KANSL1L: variants seen among roughly 807,000 people sequenced by gnomAD.
The protein encoded by KANSL1L is KAT8 regulatory NSL complex subunit 1-like protein.
KANSL1L carries 25 observed loss-of-function variants against 108.6 expected under a neutral mutation model. The ratio of observed to expected loss-of-function variants is 0.23; its 90% CI spans 0.17 to 0.32. The LOEUF (loss-of-function observed/expected upper bound fraction) is 0.32. KANSL1L is among the 10% of genes least tolerant of loss of function. KANSL1L has a pLI of 1.00. For synonymous variants in KANSL1L, 405 were observed against 395.1 expected, an observed-to-expected ratio of 1.03 and a Z score of -0.30; for missense variants, 1,137 against 1,125.7, an observed-to-expected ratio of 1.01 and a Z score of -0.14.
chr2:210,143,879 A>G (rs1481813713), intron 2 of KANSL1L, among the ~76,000 whole-genome samples: 1 of 152,206 alleles, frequency 6.6e-6, no homozygotes, highest in East Asian at 1.9e-4. Flanking sequence ...TTTATACACC[A>G]CCATTATTAG....
intron 3 of KANSL1L, among the ~76,000 whole-genome samples, chr2:210,120,091 A>G (rs2094999887): frequency 6.6e-6 from 1 of 152,138 alleles, no homozygotes; most frequent in African/African-American, 2.4e-5. Context: ...AGAATTCCCT[A>G]TTCAGTAAGT....
At chr2:210,072,701 G>A (rs545480726) in intron 6 of KANSL1L, among the ~76,000 whole-genome samples, 1 of 152,120 alleles carries the variant, frequency 6.6e-6, no homozygotes, top group East Asian at 1.9e-4. Flanking sequence ...GAGCTCAGGC[G>A]GTAATGCTCG....
chr2:210,029,842 G>T lies in KANSL1L; in HGVS notation c.2232C>A (p.Ser744=). 6.2e-7 allele frequency: 1 copy of T among 1,605,342 alleles called. No homozygotes were observed. The highest frequency in any genetic ancestry group is 2.2e-5 in the East Asian group (1 of 44,634). ...GGATTCTTGATAAAACGTTGACATT[G>T]GAAACAGCAGTAAAATTGCTATGGG... ...SGSHSNFTAV[S]NVNVLSRIQN... Residue 744 remains serine (S), a synonymous_variant, in exon 10 of 15, where the codon TCC becomes TCA. Coordinates refer to ENST00000281772, the MANE Select transcript of KANSL1L (RefSeq NM_152519.4).
intron 1 of KANSL1L, among the ~76,000 whole-genome samples, chr2:210,166,555 C>T (rs1255201389): frequency 6.6e-6 from 1 of 152,208 alleles, no homozygotes; most frequent in East Asian, 1.9e-4. Context: ...AATACTGCTC[C>T]AGATTCTGAT....
chr2:210,134,956 T>C (rs1461533091), intron 2 of KANSL1L, among the ~76,000 whole-genome samples: 1 of 151,810 alleles, frequency 6.6e-6, no homozygotes. Context: ...AGACCAAGAG[T>C]AATTCCCAAA....
rs547706627 is a variant in KANSL1L, at chr2:210,124,345, G to A, written c.1230+4686C>T. Among the ~76,000 whole-genome samples the A allele has an allele frequency of 6.6e-5, 10 of 152,100 alleles. No homozygotes were observed. The South Asian group carries it at 1.9e-3, about 28-fold the overall frequency. On this transcript the variant is annotated intron_variant, in intron 3 of 14. Coordinates refer to ENST00000281772, the MANE Select transcript of KANSL1L (RefSeq NM_152519.4). ...GAAATGAAGTGAGAAATCATTAACA[G>A]AAAACTGGAAAATGCACAAATTTGT...
At chr2:210,170,965 G>C (rs13013865) in intron 1 of KANSL1L, among the ~76,000 whole-genome samples, 184 bp downstream of exon 1, 2 of 150,088 alleles carry the variant, frequency 1.3e-5, no homozygotes. Context: ...CCCCGCCCTA[G>C]AGCGCGATCC....
rs944938313 is a variant in KANSL1L at position 210,021,748 on chromosome 2, T to C, written c.*1201A>G. 6.6e-6 allele frequency: 1 copy of C among 152,184 alleles called. No individual in the cohort carries two copies. Among genetic ancestry groups the C allele is most frequent in the Non-Finnish European group, 1.5e-5 (1 of 67,960 alleles). 9.4% of individuals were successfully genotyped at this position (152,184 alleles called of 1,614,324 possible). ...TTTTTACATGACAAAAAGTGAGTTATATAAATTGTCCTCAACTTTCACATA... is the reference window on the plus strand; with the variant it reads ...TTTTTACATGACAAAAAGTGAGTTACATAAATTGTCCTCAACTTTCACATA... On this transcript the variant is annotated 3_prime_UTR_variant, in exon 15 of 15. Coordinates refer to ENST00000281772, the MANE Select transcript of KANSL1L (RefSeq NM_152519.4).
rs1218889739 is a variant in KANSL1L, at chr2:210,171,270, C to G, written c.-151G>C. ...CACCCGGGGCGCCGCTGACTCGTCT[C>G]CAGAGCGCGCCCCGCTCCCGCCCCG... On this transcript the variant is annotated 5_prime_UTR_variant, in exon 1 of 15. Coordinates refer to ENST00000281772, the MANE Select transcript of KANSL1L (RefSeq NM_152519.4). 1.1e-5 allele frequency: 2 copies of G among 176,434 alleles called. No individual in the cohort carries two copies. Among genetic ancestry groups the G allele is most frequent in the African/African-American group, 4.8e-5 (2 of 41,464 alleles). The allele number at this position is 176,434 out of a possible 1,614,324, so 10.9% of individuals were successfully genotyped here.
rs572443539 is a variant in KANSL1L, at chr2:210,070,552, G to A, written c.1755+5000C>T. On this transcript the variant is annotated intron_variant, in intron 6 of 14. Transcript: ENST00000281772. ...GCCCTCTCCTTTCTCTTATAAGGAC[G>A]CCAATCACTGGATTTAGGACCCATT... 3.9e-5 allele frequency among the ~76,000 whole-genome samples: 6 copies of A among 152,118 alleles called. No individual in the cohort carries two copies. The South Asian group carries it at 1.2e-3, about 32-fold the overall frequency.
intron 6 of KANSL1L, among the ~76,000 whole-genome samples, chr2:210,065,285 T>A (rs1160882139): frequency 5.6e-5 from 4 of 71,622 alleles, no homozygotes; most frequent in Admixed American, 1.8e-4. Context: ...AGCACGACTC[T>A]GTCTCAAAAA....
Position 210,021,835 on chromosome 2 carries a change from A to G in KANSL1L, c.*1114T>C, listed in dbSNP as rs2125101459. 6.6e-6 allele frequency: 1 copy of G among 151,836 alleles called. No homozygotes were observed. Among genetic ancestry groups the G allele is most frequent in the East Asian group, 1.9e-4 (1 of 5,182 alleles). 9.4% of individuals were successfully genotyped at this position (151,836 alleles called of 1,614,324 possible). ...CTTTCATGTATACTCTTCAGTATCC[A>G]ATATTGAAGCTTTGTTCTTTGAAAA... On this transcript the variant is annotated 3_prime_UTR_variant, in exon 15 of 15. Transcript: ENST00000281772.
intron 5 of KANSL1L, among the ~76,000 whole-genome samples, chr2:210,093,682 A>G (rs934394353): frequency 9.2e-5 from 14 of 152,194 alleles, no homozygotes; most frequent in African/African-American, 2.9e-4. Flanking sequence ...TTTGAAATAA[A>G]CAAAATTTAA....
chr2:210,128,866 G>A (rs1385230406), intron 3 of KANSL1L, among the ~76,000 whole-genome samples, 165 bp downstream of exon 3: 1 of 151,978 alleles, frequency 6.6e-6, no homozygotes, highest in Admixed American at 6.6e-5. Context: ...AATACAAAAA[G>A]GCATTACAAA....
At chr2:210,119,589 A>T (rs2094994444) in intron 3 of KANSL1L, among the ~76,000 whole-genome samples, 1 of 152,212 alleles carries the variant, frequency 6.6e-6, no homozygotes, top group South Asian at 2.1e-4. Flanking sequence ...GACAAAATCC[A>T]TATGGTCATT....
intron 2 of KANSL1L, among the ~76,000 whole-genome samples, chr2:210,133,343 T>C (rs1339510292): frequency 1.3e-5 from 2 of 152,134 alleles, no homozygotes; most frequent in Admixed American, 1.3e-4. Flanking sequence ...CATTATTTTA[T>C]ATTTTTCTTG....
At chr2:210,168,382 A>T (rs1280838874) in intron 1 of KANSL1L, among the ~76,000 whole-genome samples, 2 of 152,116 alleles carry the variant, frequency 1.3e-5, no homozygotes, top group African/African-American at 4.8e-5. Flanking sequence ...GAAAACAAGG[A>T]TTACATATTA....
chr2:210,031,595 C>A, intron 8 of KANSL1L, 49 bp from the exon 9 acceptor site: 1 of 1,211,358 alleles, frequency 8.3e-7, no homozygotes, highest in Admixed American at 2.7e-5. Flanking sequence ...TTAACACAGA[C>A]AGTGAACATG....
intron 1 of KANSL1L, among the ~76,000 whole-genome samples, chr2:210,167,925 AG>A (rs1275756496): frequency 6.6e-6 from 1 of 152,022 alleles, no homozygotes; most frequent in African/African-American, 2.4e-5. Context: ...TTAGGGAATA[AG>A]GAGTACAATT....
Sources: gnomAD v4.1 joint callset for allele counts (sites outside exome capture counted in the v4.1 genomes callset) on GRCh38, gnomAD v4.1.1 for gene constraint, MANE v1.5 for transcripts, NCBI Gene and HGNC (gene_info 2026-07-23, HGNC 2026-07-21) for gene names.